Variants in DRGX observed in about 807,000 individuals in gnomAD.
DRGX encodes the protein dorsal root ganglia homeobox, also known as dorsal root ganglia homeobox protein.
Under a neutral mutation model 28.6 loss-of-function variants are expected in DRGX, and 21 were observed. That is an observed-to-expected ratio of 0.73 (90% CI 0.52 to 1.06). The LOEUF (loss-of-function observed/expected upper bound fraction) is 1.06, where lower values mean the gene tolerates loss of function less well. Among genes scored for constraint, DRGX ranks in the 50% least tolerant of loss-of-function variants. The probability of loss-of-function intolerance (pLI) is 0.00; values close to 1 mark genes in which losing one functional copy is unlikely to be tolerated. For missense variants in DRGX, 354 were observed against 343.9 expected (o/e 1.03, Z -0.23); for synonymous variants, 136 against 139.1 (o/e 0.98, Z 0.16).
intron 4 of DRGX, among the ~76,000 whole-genome samples, chr10:49,387,868 G>A (rs1849857447): frequency 6.6e-6 from 1 of 152,184 alleles, no homozygotes; most frequent in Non-Finnish European, 1.5e-5. Flanking sequence ...GGCTATCCAG[G>A]TGGTAAATGG....
Position 49,391,174 on chromosome 10 carries a change from G to C in DRGX, c.122C>G (p.Thr41Ser). 2 of 1,613,640 alleles carry C rather than the reference G, an allele frequency of 1.2e-6. No individual in the cohort carries two copies. The highest frequency in any genetic ancestry group is 1.7e-6 in the Non-Finnish European group (2 of 1,179,772). Residue 41 changes from threonine to serine, a missense_variant, in exon 3 of 7, where the codon ACT becomes AGT. Thr to Ser is a moderately conservative substitution (Grantham distance 58). Transcript: ENST00000374139. ...AATCAACGTTGGTACCTGCTGAAGA[G>C]TGAACGTCGTCCGGTTCCGGCGCTG... ...RKQRRNRTTFTLQQLEALEAV... is the reference protein window; with the variant it reads ...RKQRRNRTTFSLQQLEALEAV...
chr10:49,388,760 C>T (rs1424732171), intron 4 of DRGX, among the ~76,000 whole-genome samples: 1 of 145,756 alleles, frequency 6.9e-6, no homozygotes, highest in African/African-American at 2.5e-5. Flanking sequence ...TCGATTAAGA[C>T]CCTGCTTTAT....
chr10:49,386,963 C>G, intron 4 of DRGX, 105 bp from the exon 5 acceptor site: 1 of 1,327,888 alleles, frequency 7.5e-7, no homozygotes, highest in Non-Finnish European at 1.0e-6. Flanking sequence ...GCAGCCTCCT[C>G]TCCACACCAT....
Position 49,395,389 on chromosome 10 carries a change from G to C in DRGX, c.34+18C>G. 1.3e-6 allele frequency: 2 copies of C among 1,549,982 alleles called. No homozygotes were observed. The highest frequency in any genetic ancestry group is 1.7e-6 in the Non-Finnish European group (2 of 1,146,868). ...GGCTCTGGCTTCATGGAGACCCTGG[G>C]GCGCAGCGCTTACTTACCCTCTAGC... is the stretch of plus-strand genomic sequence containing the variant. On this transcript the variant is annotated intron_variant, in intron 2 of 6. Coordinates refer to ENST00000374139, the MANE Select transcript of DRGX (RefSeq NM_001276451.2).
At chr10:49,381,545 A>AGACAAGGACTTCACATCCAT (rs1266404328) in intron 6 of DRGX, among the ~76,000 whole-genome samples, 1 of 152,232 alleles carries the variant, frequency 6.6e-6, no homozygotes, top group African/African-American at 2.4e-5. Flanking sequence ...AATATGTGCA[A>AGACAAGGACTTCACATCCAT]GACAAGGACT....
intron 6 of DRGX, among the ~76,000 whole-genome samples, chr10:49,377,565 C>A (rs1326629051): frequency 6.6e-6 from 1 of 152,222 alleles, no homozygotes; most frequent in Non-Finnish European, 1.5e-5. Flanking sequence ...GGCCTGGCAT[C>A]CTCTGCTTTT....
chr10:49,379,696 C>T (rs754402364), intron 6 of DRGX, among the ~76,000 whole-genome samples: 2 of 152,226 alleles, frequency 1.3e-5, no homozygotes, highest in African/African-American at 2.4e-5. Context: ...CAGACCTCTG[C>T]TAGCACTCCC....
intron 6 of DRGX, among the ~76,000 whole-genome samples, chr10:49,385,183 A>C (rs1429157180): frequency 6.6e-6 from 1 of 152,152 alleles, no homozygotes. Flanking sequence ...TGGCCCCCAG[A>C]GCACCTGGAC....
intron 4 of DRGX, 77 bp from the exon 5 acceptor site, chr10:49,386,935 G>C (rs1411768674): frequency 6.9e-7 from 1 of 1,458,784 alleles, no homozygotes; most frequent in African/African-American, 1.4e-5. Flanking sequence ...CCCAGTGCTG[G>C]CACTCACAGC....
In DRGX at chr10:49,390,222, C is replaced by G. The variant is rs1428053635; in HGVS notation, c.145G>C (p.Glu49Gln). ...TFTLQQLEAL[E>Q]AVFAQTHYPD... is the part of the protein sequence containing the mutation. ...TAGTGTGTTTGGGCAAAAACGGCCT[C>G]GAGAGCTTCCAGCTGGTAAAAGGAA... Residue 49 changes from glutamate (E) to glutamine (Q), a missense_variant, in exon 4 of 7, where the codon GAG (glutamate) becomes CAG (glutamine). Transcript: ENST00000374139. 1 of 1,610,840 alleles carries G rather than the reference C, an allele frequency of 6.2e-7. No homozygotes were observed. The highest frequency in any genetic ancestry group is 1.3e-5 in the African/African-American group (1 of 74,862).
chr10:49,375,674 G>A (rs1397496353), intron 6 of DRGX, among the ~76,000 whole-genome samples: 3 of 152,122 alleles, frequency 2.0e-5, no homozygotes, highest in African/African-American at 7.2e-5. Context: ...TCCAACCAGA[G>A]CCTTGTGCTG....
chr10:49,380,208 A>G (rs1849759790), intron 6 of DRGX, among the ~76,000 whole-genome samples: 1 of 152,158 alleles, frequency 6.6e-6, no homozygotes, highest in South Asian at 2.1e-4. Flanking sequence ...TGAGTTATGA[A>G]AGCTCTACCC....
At position 49,365,793 on chromosome 10, in the gene DRGX, C is replaced by T. The variant is rs946818292; in HGVS notation, c.*323G>A. ...CCCAGGGAGGAAATAGGAAGGGAGA[C>T]GGATGAGGAATCTACCTCCCTCCGA... On this transcript the variant is annotated 3_prime_UTR_variant, in exon 7 of 7. Transcript: ENST00000374139. The T allele has an allele frequency of 1.2e-4, 29 of 246,624 alleles. No individual in the cohort carries two copies. The highest frequency in any genetic ancestry group is 3.8e-4 in the African/African-American group (17 of 44,808). 15.3% of individuals were successfully genotyped at this position (246,624 alleles called of 1,614,324 possible). A position where few individuals can be genotyped will look rare whatever the true frequency, so the allele number is the denominator to read the frequency against.
chr10:49,386,338 C>T, intron 6 of DRGX, 140 bp downstream of exon 6: 1 of 670,460 alleles, frequency 1.5e-6, no homozygotes, highest in Non-Finnish European at 2.5e-6. Flanking sequence ...GCACCAGTGG[C>T]CCTGGCTGTG....
At chr10:49,394,073 C>T (rs73311930) in intron 2 of DRGX, among the ~76,000 whole-genome samples, 20,390 of 152,108 alleles carry the variant, frequency 0.13, 1,647 homozygotes, top group African/African-American at 0.24. Flanking sequence ...CTCCCTCATC[C>T]CCTAGGGTAC....
chr10:49,386,390 G>T lies in DRGX; in HGVS notation c.526+88C>A, dbSNP rs896498268. 4.9e-6 allele frequency: 6 copies of T among 1,216,618 alleles called. No homozygotes were observed. The East Asian group carries it at 1.6e-4, about 32-fold the overall frequency. The allele number at this position is 1,216,618 out of a possible 1,614,324, so 75.4% of individuals were successfully genotyped here. ...GAAGCTGCACAGGCCCAGGTGCAAGGACGGCCGAGCCAAGACCCAGGCCGG... is the reference window on the plus strand; with the variant it reads ...GAAGCTGCACAGGCCCAGGTGCAAGTACGGCCGAGCCAAGACCCAGGCCGG... On this transcript the variant is annotated intron_variant, in intron 6 of 6. Transcript: ENST00000374139.
intron 6 of DRGX, among the ~76,000 whole-genome samples, chr10:49,381,389 C>T (rs1057055021): frequency 6.6e-6 from 1 of 152,242 alleles, no homozygotes; most frequent in Non-Finnish European, 1.5e-5. Flanking sequence ...CACAAACCTC[C>T]AACCCTTGCC....
At chr10:49,373,689 T>G (rs1467189844) in intron 6 of DRGX, among the ~76,000 whole-genome samples, 1 of 152,216 alleles carries the variant, frequency 6.6e-6, no homozygotes, top group Non-Finnish European at 1.5e-5. Context: ...ACCTTGATCT[T>G]AGACTTCCCA....
intron 2 of DRGX, among the ~76,000 whole-genome samples, chr10:49,392,775 A>G (rs1849924258): frequency 6.6e-6 from 1 of 152,228 alleles, no homozygotes; most frequent in African/African-American, 2.4e-5. Flanking sequence ...AGAGGAAAAA[A>G]TGAGAATAGC....
Sources: allele counts gnomAD v4.1 joint callset (sites outside exome capture counted in the v4.1 genomes callset), GRCh38; gene constraint gnomAD v4.1.1; transcripts MANE v1.5; gene names NCBI Gene and HGNC (gene_info 2026-07-23, HGNC 2026-07-21).